SLIT3: variants seen among roughly 807,000 people sequenced by gnomAD.
The protein encoded by SLIT3 is slit guidance ligand 3.
Under a neutral mutation model 184.0 loss-of-function variants are expected in SLIT3, and 68 were observed. That is an observed-to-expected ratio of 0.37 (90% CI 0.30 to 0.45). The LOEUF is 0.45. SLIT3 is among the 20% of genes least tolerant of loss of function. SLIT3 has a pLI of 1.00. For missense variants in SLIT3, 1,707 were observed against 2,026.0 expected (o/e 0.84, Z 3.02); for synonymous variants, 831 against 828.6 (o/e 1.00, Z -0.05).
At chr5:168,804,455 G>A (rs1756888355) in intron 9 of SLIT3, among the ~76,000 whole-genome samples, 1 of 152,124 alleles carries the variant, frequency 6.6e-6, no homozygotes. Context: ...GCCGTAGGAG[G>A]AGCAGGAGAA....
At chr5:169,147,478 C>T (rs938376872) in intron 4 of SLIT3, among the ~76,000 whole-genome samples, 2 of 152,120 alleles carry the variant, frequency 1.3e-5, no homozygotes, top group African/African-American at 4.8e-5. Context: ...CCAGGATGGT[C>T]TCAATCTCCT....
chr5:169,116,603 A>G (rs1400327846), intron 4 of SLIT3, among the ~76,000 whole-genome samples: 1 of 152,242 alleles, frequency 6.6e-6, no homozygotes. Flanking sequence ...AGATCTAGGC[A>G]ACCAGGCCTA....
At chr5:168,759,990 G>T (rs1755088274) in intron 16 of SLIT3, among the ~76,000 whole-genome samples, 1 of 152,194 alleles carries the variant, frequency 6.6e-6, no homozygotes, top group Admixed American at 6.5e-5. Context: ...GGAAGATGAG[G>T]AGAAGCAAGC....
At chr5:168,942,686 T>C (rs753020124) in intron 4 of SLIT3, among the ~76,000 whole-genome samples, 8 of 150,916 alleles carry the variant, frequency 5.3e-5, no homozygotes, top group Non-Finnish European at 1.0e-4. Context: ...GTATCTTGAA[T>C]TGCTGATCAC....
At chr5:168,740,866 C>T (rs1262892762) in intron 20 of SLIT3, among the ~76,000 whole-genome samples, 1 of 152,192 alleles carries the variant, frequency 6.6e-6, no homozygotes, top group African/African-American at 2.4e-5. Flanking sequence ...CACGGGCTAT[C>T]GTCATGGCAT....
intron 4 of SLIT3, among the ~76,000 whole-genome samples, chr5:169,081,327 C>T (rs767479681): frequency 8.5e-5 from 13 of 152,154 alleles, no homozygotes; most frequent in Admixed American, 5.9e-4. Flanking sequence ...GTGCAGCCAG[C>T]GGGGCAGCTG....
rs113432099 is a variant in SLIT3, at chr5:168,676,163, T to TTCCATCCA, written c.3687-2840_3687-2833dup. Among the ~76,000 whole-genome samples the TTCCATCCA allele has an allele frequency of 8.9e-3, 1,343 of 150,302 alleles. 22 individuals carry two copies. The highest frequency in any genetic ancestry group is 0.027 in the African/African-American group (1,091 of 40,848). On this transcript the variant is annotated intron_variant, in intron 32 of 35. Coordinates refer to ENST00000519560, the MANE Select transcript of SLIT3 (RefSeq NM_003062.4). ...CCCACCTACTTATTTATCTACTCTC[T>TTCCATCCA]TCCATCCATCCATCCATCCATCCAT...
intron 4 of SLIT3, among the ~76,000 whole-genome samples, chr5:168,929,893 G>A (rs1423403033): frequency 6.6e-6 from 1 of 152,198 alleles, no homozygotes; most frequent in African/African-American, 2.4e-5. Context: ...GGCTCCAGCT[G>A]GCCTGCCTTA....
intron 11 of SLIT3, among the ~76,000 whole-genome samples, chr5:168,788,121 C>T (rs937282099): frequency 1.3e-4 from 19 of 151,966 alleles, no homozygotes; most frequent in African/African-American, 4.4e-4. Flanking sequence ...CTCAGACTGT[C>T]TCCAAATCCT....
intron 4 of SLIT3, among the ~76,000 whole-genome samples, chr5:168,909,613 CTTGAAGACAT>C (rs1761189725): frequency 6.6e-6 from 1 of 152,208 alleles, no homozygotes; most frequent in Non-Finnish European, 1.5e-5. Flanking sequence ...AATGACTTTA[CTTGAAGACAT>C]TTGAGTGGTA....
intron 8 of SLIT3, among the ~76,000 whole-genome samples, chr5:168,814,167 G>A (rs1757253903): frequency 2.6e-5 from 4 of 152,050 alleles, no homozygotes; most frequent in South Asian, 2.1e-4. Flanking sequence ...AGGCCGAGGC[G>A]GGTGGATCAC....
At chr5:168,963,427 C>A (rs1409085559) in intron 4 of SLIT3, among the ~76,000 whole-genome samples, 1 of 152,242 alleles carries the variant, frequency 6.6e-6, no homozygotes, top group African/African-American at 2.4e-5. Context: ...CTGCCTTGGC[C>A]TCCCAAAGTG....
chr5:168,796,152 A>G (rs1376036848), intron 9 of SLIT3, among the ~76,000 whole-genome samples: 1 of 152,154 alleles, frequency 6.6e-6, no homozygotes, highest in Non-Finnish European at 1.5e-5. Context: ...TGGCTCCCTG[A>G]CATCCTGCAA....
intron 6 of SLIT3, among the ~76,000 whole-genome samples, chr5:168,844,143 C>A (rs1044219659): frequency 2.0e-5 from 3 of 152,030 alleles, no homozygotes; most frequent in African/African-American, 7.2e-5. Flanking sequence ...TCAGGTAATT[C>A]CAGCTGACCT....
chr5:168,881,222 C>CTGGAG (rs1471646445), intron 5 of SLIT3, among the ~76,000 whole-genome samples: 2 of 152,134 alleles, frequency 1.3e-5, no homozygotes, highest in Non-Finnish European at 2.9e-5. Flanking sequence ...ATGGTGGGTG[C>CTGGAG]TGGAGTGACT....
At chr5:168,680,721 C>T (rs768575008) in intron 32 of SLIT3, among the ~76,000 whole-genome samples, 3 of 152,250 alleles carry the variant, frequency 2.0e-5, no homozygotes, top group Non-Finnish European at 4.4e-5. Flanking sequence ...AGCCCTCCCA[C>T]ATGGCTTCCA....
chr5:168,897,093 G>A (rs1338329499), intron 4 of SLIT3, among the ~76,000 whole-genome samples: 1 of 150,822 alleles, frequency 6.6e-6, no homozygotes, highest in Middle Eastern at 3.2e-3. Flanking sequence ...ACCTGTCTTG[G>A]GGCTTACATT....
chr5:168,999,470 G>A (rs149737739), intron 4 of SLIT3, among the ~76,000 whole-genome samples: 11 of 151,498 alleles, frequency 7.3e-5, no homozygotes, highest in African/African-American at 2.4e-4. Flanking sequence ...ATTTTGGGGT[G>A]CTGAGTGATA....
At chr5:168,803,295 G>C (rs1756833986) in intron 9 of SLIT3, among the ~76,000 whole-genome samples, 1 of 152,172 alleles carries the variant, frequency 6.6e-6, no homozygotes, top group Non-Finnish European at 1.5e-5. Context: ...CTGAAAGGAT[G>C]CTCCTTTAAA....
Sources: allele counts gnomAD v4.1 joint callset (sites outside exome capture counted in the v4.1 genomes callset), GRCh38; gene constraint gnomAD v4.1.1; transcripts MANE v1.5; gene names NCBI Gene and HGNC (gene_info 2026-07-23, HGNC 2026-07-21).